Variants in NEMF observed in about 807,000 individuals in gnomAD.
The protein encoded by NEMF is ribosome quality control complex subunit NEMF.
In NEMF, 89 loss-of-function variants were observed where a neutral mutation model predicts 162.2. The ratio of observed to expected loss-of-function variants is 0.55; its 90% CI spans 0.46 to 0.65. The LOEUF (loss-of-function observed/expected upper bound fraction) is 0.65, where lower values mean the gene tolerates loss of function less well. Ranked by LOEUF, NEMF falls within the 30% of genes least tolerant of loss-of-function variation. The pLI is 0.00. For missense variants in NEMF, 1,133 were observed against 1,261.9 expected (o/e 0.90, Z 1.55); for synonymous variants, 421 against 404.5 (o/e 1.04, Z -0.49).
chr14:49,802,683 T>C lies in NEMF; in HGVS notation c.1960A>G (p.Ser654Gly), dbSNP rs529283566. ...TTGAAGAGTACCTTAAAAAGGAAGC[T>C]AAACCCCATCATTAGATATGAGGGA... Reference protein sequence around the residue: ...LPPSYLMMGFSFLFKVDESCV... With the variant: ...LPPSYLMMGFGFLFKVDESCV... The change falls in exon 21 of 33, where the codon AGC (serine) becomes GGC (glycine). Residue 654 changes from serine (S) to glycine (G), a missense_variant. Around this residue, in one of 3 missense-constraint regions of NEMF, gnomAD observed 532 missense variants for 578.6 expected, o/e 0.92. Transcript: ENST00000298310. 2 of 1,612,792 alleles carry C rather than the reference T, an allele frequency of 1.2e-6. No homozygotes were observed. The highest frequency in any genetic ancestry group is 4.5e-5 in the East Asian group (2 of 44,830).
In NEMF at chr14:49,785,275, C is replaced by T. The variant is rs377083463; in HGVS notation, c.2974G>A (p.Val992Ile). The T allele has an allele frequency of 3.1e-6, 5 of 1,613,988 alleles. No homozygotes were observed. The highest frequency in any genetic ancestry group is 1.7e-4 in the Middle Eastern group (1 of 6,058). Residue 992 changes from valine (V) to isoleucine (I), a missense_variant, in exon 30 of 33, where the codon GTA (valine) becomes ATA (isoleucine). Val to Ile is a conservative substitution (Grantham distance 29). Coordinates refer to ENST00000298310, the MANE Select transcript of NEMF (RefSeq NM_004713.6). ...CATATTGGAATGGCAAACAGTAGTA[C>T]ATCTTCAGGATGTGGCTGGCCTGTC... ...SLTGQPHPED[V>I]LLFAIPICAP... is the part of the protein sequence containing the mutation.
At position 49,829,140 on chromosome 14, in the gene NEMF, C is replaced by A; in HGVS notation, c.1146G>T (p.Val382=). ...GGTCTCCTTGAGCCTGGGCTTCTTT[C>A]ACAATTAACCCAATTTCTGTCCAAT... ...QIDWTEIGLI[V]KEAQAQGDPV... is the part of the protein sequence containing the mutation. Residue 382 remains valine, a synonymous_variant, in exon 13 of 33, where the codon GTG becomes GTT. Transcript: ENST00000298310. 1 of 1,614,166 alleles carries A rather than the reference C, an allele frequency of 6.2e-7. No homozygotes were observed. The highest frequency in any genetic ancestry group is 8.5e-7 in the Non-Finnish European group (1 of 1,180,020).
At chr14:49,806,188 A>G (rs1400648559) in intron 18 of NEMF, 55 bp from the exon 19 acceptor site, 1 of 1,160,460 alleles carries the variant, frequency 8.6e-7, no homozygotes, top group African/African-American at 1.6e-5. Flanking sequence ...TCTCCAGAGC[A>G]AGATATGAAA....
In NEMF at chr14:49,800,160, T is replaced by C. The variant is rs575558758; in HGVS notation, c.2372+260A>G. On this transcript the variant is annotated intron_variant, in intron 23 of 32. Coordinates refer to ENST00000298310, the MANE Select transcript of NEMF (RefSeq NM_004713.6). Reference sequence around the variant, plus strand: ...ACTAAAACACATTTCTTTGATGGAATTGCCTTTGTTATGTTTTTAGCATTT... The same window carrying C: ...ACTAAAACACATTTCTTTGATGGAACTGCCTTTGTTATGTTTTTAGCATTT... Among the ~76,000 whole-genome samples, 21 of 152,260 alleles carry C rather than the reference T, an allele frequency of 1.4e-4. No individual in the cohort carries two copies. In the South Asian group the frequency reaches 1.7e-3, roughly 12 times the overall value.
Sources: allele counts gnomAD v4.1 joint callset (sites outside exome capture counted in the v4.1 genomes callset), GRCh38; gene constraint gnomAD v4.1.1; regional missense constraint gnomAD v4.1.1; transcripts MANE v1.5; gene names NCBI Gene and HGNC (gene_info 2026-07-23, HGNC 2026-07-21).